The following PRR16 variants were observed in gnomAD, a reference collection of about 807,000 sequenced individuals.
PRR16 encodes the protein proline rich 16.
In PRR16, 6 loss-of-function variants were observed where a neutral mutation model predicts 18.2. That is an observed-to-expected ratio of 0.33 (90% CI 0.18 to 0.65). The LOEUF (loss-of-function observed/expected upper bound fraction) is 0.65. PRR16 is among the 30% of genes least tolerant of loss of function. PRR16 has a pLI of 0.74. For synonymous variants in PRR16, 151 were observed against 147.8 expected (o/e 1.02, Z -0.16); for missense variants, 412 against 376.6 (o/e 1.09, Z -0.78).
At position 120,534,072 on chromosome 5, in the gene PRR16, G is replaced by A. The variant is rs546963936; in HGVS notation, c.159+69427G>A. Among the ~76,000 whole-genome samples the A allele has an allele frequency of 1.6e-4, 24 of 152,238 alleles. No homozygotes were observed. In the East Asian group the frequency reaches 4.1e-3, roughly 26 times the overall value. On this transcript the variant is annotated intron_variant, in intron 1 of 1. Transcript: ENST00000407149. ...ATCAGGAGTTCAGGTTTTAACGGGT[G>A]GAGATTGAGTTGCTTATTAGACATC...
At chr5:120,522,568 T>C (rs1233654888) in intron 1 of PRR16, among the ~76,000 whole-genome samples, 1 of 152,184 alleles carries the variant, frequency 6.6e-6, no homozygotes, top group Non-Finnish European at 1.5e-5. Flanking sequence ...AGATTCTGGA[T>C]ATTAGCCCTT....
the PRR16 span, among the ~76,000 whole-genome samples, chr5:120,751,728 G>C: frequency 6.7e-6 from 1 of 148,554 alleles, no homozygotes; most frequent in African/African-American, 2.4e-5. Context: ...TGAAAGAACA[G>C]GTGGATGAAA....
intron 1 of PRR16, among the ~76,000 whole-genome samples, chr5:120,526,805 G>A (rs1378600953): frequency 6.6e-6 from 1 of 152,034 alleles, no homozygotes; most frequent in East Asian, 1.9e-4. Flanking sequence ...CACCATGTTG[G>A]CCAGGATGGT....
chr5:120,589,713 C>G (rs1195854964), intron 1 of PRR16, among the ~76,000 whole-genome samples: 1 of 152,080 alleles, frequency 6.6e-6, no homozygotes, highest in Non-Finnish European at 1.5e-5. Context: ...GACTTATCCA[C>G]TACCATGAGA....
intron 1 of PRR16, among the ~76,000 whole-genome samples, chr5:120,471,274 T>C (rs897119439): frequency 3.9e-5 from 6 of 152,176 alleles, no homozygotes; most frequent in African/African-American, 1.2e-4. Context: ...GAATATTACA[T>C]AGATTTTTAA....
intron 1 of PRR16, among the ~76,000 whole-genome samples, chr5:120,674,431 T>C (rs1756725877): frequency 6.6e-6 from 1 of 152,200 alleles, no homozygotes; most frequent in Admixed American, 6.5e-5. Context: ...TTTAATTTAC[T>C]TTTACAAAAG....
intron 1 of PRR16, among the ~76,000 whole-genome samples, chr5:120,530,705 A>G (rs914465087): frequency 1.3e-5 from 2 of 152,098 alleles, no homozygotes. Flanking sequence ...GGTATAGGAG[A>G]TATTGGGGAG....
chr5:120,605,498 T>C (rs1333208082), intron 1 of PRR16, among the ~76,000 whole-genome samples: 2 of 152,174 alleles, frequency 1.3e-5, no homozygotes, highest in East Asian at 1.9e-4. Context: ...GACATCTAGA[T>C]TGTGAATTCT....
rs140606943 is a variant in PRR16, at chr5:120,553,940, CA to C, written c.159+89296del. ...TATTCTACTTAAGTCTAACTGCCAA[CA>C]CCTTCTCTAATCATGCTGCAGTAAA... On this transcript the variant is annotated intron_variant, in intron 1 of 1. Transcript: ENST00000407149. Among the ~76,000 whole-genome samples the C allele has an allele frequency of 7.1e-3, 1,084 of 152,010 alleles. 2 individuals are homozygous for C. Among genetic ancestry groups the C allele is most frequent in the Non-Finnish European group, 0.012 (794 of 67,894 alleles).
chr5:120,481,224 T>A, intron 1 of PRR16: 2 of 574,496 alleles, frequency 3.5e-6, no homozygotes, highest in Non-Finnish European at 5.9e-6. Flanking sequence ...CTGGGCTCAC[T>A]GCAACCTCTG....
the PRR16 span, among the ~76,000 whole-genome samples, chr5:120,766,482 T>TAGTCAGTTGTAGA: frequency 5.7e-4 from 86 of 151,862 alleles, no homozygotes; most frequent in African/African-American, 2.0e-3. Flanking sequence ...ACACACTCAG[T>TAGTCAGTTGTAGA]ACTAGTCAAT....
the PRR16 span, among the ~76,000 whole-genome samples, chr5:120,774,598 G>A: frequency 0.048 from 7,344 of 152,052 alleles, 313 homozygotes; most frequent in African/African-American, 0.1. Flanking sequence ...TAGCACAACT[G>A]TCAATCCTGC....
the PRR16 span, among the ~76,000 whole-genome samples, chr5:120,760,925 A>G: frequency 6.6e-6 from 1 of 152,026 alleles, no homozygotes; most frequent in Non-Finnish European, 1.5e-5. Flanking sequence ...CTCTATTTGT[A>G]TCCTGAGATT....
At chr5:120,676,894 G>A (rs1477639802) in intron 1 of PRR16, among the ~76,000 whole-genome samples, 1 of 152,092 alleles carries the variant, frequency 6.6e-6, no homozygotes, top group Non-Finnish European at 1.5e-5. Flanking sequence ...AGTCAAAAGA[G>A]GCCCGAGTCA....
chr5:120,707,688 A>C, the PRR16 span, among the ~76,000 whole-genome samples: 11 of 152,196 alleles, frequency 7.2e-5, no homozygotes, highest in Admixed American at 2.0e-4. Flanking sequence ...CTTTAAATGA[A>C]AATTTGGGTC....
chr5:120,573,067 GAAACAC>G (rs1580739130), intron 1 of PRR16, among the ~76,000 whole-genome samples: 2 of 152,116 alleles, frequency 1.3e-5, no homozygotes, highest in East Asian at 3.9e-4. Flanking sequence ...CTCCCAAAAT[GAAACAC>G]CAATATTCTC....
intron 1 of PRR16, among the ~76,000 whole-genome samples, chr5:120,614,717 T>C (rs1242864094): frequency 6.6e-6 from 1 of 152,174 alleles, no homozygotes; most frequent in African/African-American, 2.4e-5. Flanking sequence ...TTGGTAATAG[T>C]TTTTCCACTG....
At chr5:120,594,763 T>C (rs926419569) in intron 1 of PRR16, among the ~76,000 whole-genome samples, 5 of 152,132 alleles carry the variant, frequency 3.3e-5, no homozygotes, top group Non-Finnish European at 7.4e-5. Context: ...CACGGACAGG[T>C]AGACCAATGG....
the PRR16 span, among the ~76,000 whole-genome samples, chr5:120,695,982 C>A: frequency 6.6e-6 from 1 of 151,908 alleles, no homozygotes; most frequent in African/African-American, 2.4e-5. Context: ...GTGGCTCATG[C>A]CTGTAACCCC....
Sources: allele counts gnomAD v4.1 joint callset (sites outside exome capture counted in the v4.1 genomes callset), GRCh38; gene constraint gnomAD v4.1.1; transcripts MANE v1.5; gene names NCBI Gene and HGNC (gene_info 2026-07-23, HGNC 2026-07-21).